GABRB2: variants seen among roughly 807,000 people sequenced by gnomAD.
The protein encoded by GABRB2 is gamma-aminobutyric acid type A receptor subunit beta2, also known as gamma-aminobutyric acid receptor subunit beta-2.
In GABRB2, 16 loss-of-function variants were observed where a neutral mutation model predicts 54.7. The ratio of observed to expected loss-of-function variants is 0.29; its 90% confidence interval spans 0.20 to 0.44. The LOEUF is 0.44. Among genes scored for constraint, GABRB2 ranks in the 20% least tolerant of loss-of-function variants. The probability of loss-of-function intolerance (pLI) is 1.00; values close to 1 mark genes in which losing one functional copy is unlikely to be tolerated. For synonymous variants in GABRB2, 244 were observed against 233.8 expected (o/e 1.04, Z -0.40); for missense variants, 355 against 644.0 (o/e 0.55, Z 4.86).
intron 3 of GABRB2, among the ~76,000 whole-genome samples, chr5:161,544,750 G>A (rs906246121): frequency 7.2e-5 from 11 of 152,134 alleles, no homozygotes; most frequent in Non-Finnish European, 1.3e-4. Flanking sequence ...GGGGATGGGG[G>A]CTTGCCATTA....
intron 5 of GABRB2, among the ~76,000 whole-genome samples, chr5:161,398,812 C>T (rs1314583095): frequency 6.6e-6 from 1 of 152,162 alleles, no homozygotes; most frequent in African/African-American, 2.4e-5. Flanking sequence ...GCCTCAGCCT[C>T]CTGAGTTGCT....
At chr5:161,297,997 T>A (rs1757432312) in intron 9 of GABRB2, among the ~76,000 whole-genome samples, 1 of 152,224 alleles carries the variant, frequency 6.6e-6, no homozygotes, top group Admixed American at 6.5e-5. Flanking sequence ...AGATGGTATC[T>A]CATTGTGGTT....
At chr5:161,411,738 T>C (rs1935940316) in intron 4 of GABRB2, among the ~76,000 whole-genome samples, 1 of 152,094 alleles carries the variant, frequency 6.6e-6, no homozygotes, top group Non-Finnish European at 1.5e-5. Context: ...CTTCAATTTG[T>C]CTTTATATTT....
At chr5:161,376,816 A>G (rs1755317713) in intron 5 of GABRB2, among the ~76,000 whole-genome samples, 2 of 152,182 alleles carry the variant, frequency 1.3e-5, no homozygotes, top group African/African-American at 2.4e-5. Flanking sequence ...GGTGCAAGGC[A>G]AATGGGCCAT....
chr5:161,372,592 A>T (rs754014071), intron 5 of GABRB2, among the ~76,000 whole-genome samples: 1 of 152,110 alleles, frequency 6.6e-6, no homozygotes, highest in African/African-American at 2.4e-5. Flanking sequence ...CTGCCCTCAA[A>T]GGGAAGCATT....
intron 3 of GABRB2, among the ~76,000 whole-genome samples, chr5:161,493,751 T>A (rs1453458266): frequency 6.6e-6 from 1 of 151,780 alleles, no homozygotes; most frequent in Non-Finnish European, 1.5e-5. Flanking sequence ...TAATGGATTG[T>A]TGCTGGTACA....
chr5:161,490,430 A>G (rs1317685976), intron 3 of GABRB2, among the ~76,000 whole-genome samples: 1 of 151,684 alleles, frequency 6.6e-6, no homozygotes, highest in Non-Finnish European at 1.5e-5. Context: ...CTCAAGTCAC[A>G]TAGGCACCTC....
intron 4 of GABRB2, among the ~76,000 whole-genome samples, chr5:161,424,649 G>T (rs1031127098): frequency 3.3e-5 from 5 of 152,090 alleles, no homozygotes; most frequent in African/African-American, 1.2e-4. Flanking sequence ...CTCTTATGGA[G>T]ATATACAAGG....
At chr5:161,519,470 A>G (rs1237343130) in intron 3 of GABRB2, among the ~76,000 whole-genome samples, 1 of 152,116 alleles carries the variant, frequency 6.6e-6, no homozygotes, top group African/African-American at 2.4e-5. Context: ...TTCTACCACT[A>G]AAGGTGGCCA....
chr5:161,444,702 C>A (rs1324611479), intron 4 of GABRB2, among the ~76,000 whole-genome samples: 1 of 152,116 alleles, frequency 6.6e-6, no homozygotes, highest in East Asian at 1.9e-4. Flanking sequence ...AGCACAGTCT[C>A]ACTACTAATG....
intron 4 of GABRB2, among the ~76,000 whole-genome samples, chr5:161,455,583 C>T (rs912081751): frequency 2.1e-4 from 31 of 147,732 alleles, no homozygotes; most frequent in South Asian, 6.4e-4. Context: ...CAGGCTGTAG[C>T]GCAGTGGCAT....
At chr5:161,419,641 A>T (rs1421345342) in intron 4 of GABRB2, among the ~76,000 whole-genome samples, 2 of 152,248 alleles carry the variant, frequency 1.3e-5, no homozygotes, top group African/African-American at 4.8e-5. Flanking sequence ...AAAAAGAATG[A>T]AATCTTGTCT....
At chr5:161,343,924 A>T (rs746506998) in intron 5 of GABRB2, among the ~76,000 whole-genome samples, 5 of 152,236 alleles carry the variant, frequency 3.3e-5, no homozygotes, top group Middle Eastern at 6.8e-3. Flanking sequence ...CACAGAAATC[A>T]CTTGAAAATC....
At chr5:161,516,260 G>A (rs1759944839) in intron 3 of GABRB2, among the ~76,000 whole-genome samples, 1 of 152,080 alleles carries the variant, frequency 6.6e-6, no homozygotes, top group Non-Finnish European at 1.5e-5. Context: ...TCAATTGGTT[G>A]TGTAGTACAT....
At chr5:161,382,282 C>A (rs943758220) in intron 5 of GABRB2, among the ~76,000 whole-genome samples, 1 of 152,122 alleles carries the variant, frequency 6.6e-6, no homozygotes, top group African/African-American at 2.4e-5. Flanking sequence ...GAGAGCATGT[C>A]GTTATGGACT....
intron 3 of GABRB2, among the ~76,000 whole-genome samples, chr5:161,528,251 T>C (rs1760343193): frequency 1.3e-5 from 2 of 151,844 alleles, no homozygotes; most frequent in Non-Finnish European, 3.0e-5. Context: ...AGTCTGAAGA[T>C]ACTGTGATCG....
chr5:161,475,174 A>G (rs1334184713), intron 3 of GABRB2, among the ~76,000 whole-genome samples: 1 of 151,970 alleles, frequency 6.6e-6, no homozygotes, highest in Non-Finnish European at 1.5e-5. Flanking sequence ...GCTTCTGTGA[A>G]ACAGAATTAC....
At chr5:161,398,830 C>T (rs1381046026) in intron 5 of GABRB2, among the ~76,000 whole-genome samples, 2 of 152,174 alleles carry the variant, frequency 1.3e-5, no homozygotes, top group East Asian at 1.9e-4. Context: ...GCTGGGACTA[C>T]AGGCGCGTGC....
intron 5 of GABRB2, among the ~76,000 whole-genome samples, chr5:161,340,060 T>C (rs1004415463): frequency 3.9e-5 from 6 of 152,050 alleles, no homozygotes; most frequent in African/African-American, 1.4e-4. Flanking sequence ...ATAGAGTATA[T>C]GTGGTCCTCC....
Sources: gnomAD v4.1 joint callset for allele counts (sites outside exome capture counted in the v4.1 genomes callset) on GRCh38, gnomAD v4.1.1 for gene constraint, MANE v1.5 for transcripts, NCBI Gene and HGNC (gene_info 2026-07-23, HGNC 2026-07-21) for gene names.